Variants in SEMA5A observed in about 807,000 individuals in gnomAD.
SEMA5A encodes semaphorin-5A.
A neutral mutation model predicts 135.5 loss-of-function variants in SEMA5A; 55 were observed. That is an observed-to-expected ratio of 0.41 (90% CI 0.33 to 0.51). SEMA5A has a LOEUF of 0.51. Ranked by LOEUF, SEMA5A falls within the 20% of genes least tolerant of loss-of-function variation. The pLI is 0.37. For missense variants in SEMA5A, 1,290 were observed against 1,419.9 expected (o/e 0.91, Z 1.47); for synonymous variants, 580 against 546.5 (o/e 1.06, Z -0.85).
At chr5:9,253,913 G>A (rs1441746075) in intron 5 of SEMA5A, among the ~76,000 whole-genome samples, 3 of 152,122 alleles carry the variant, frequency 2.0e-5, no homozygotes, top group Admixed American at 6.5e-5. Context: ...ATTATAGCAT[G>A]ATCATCCTAA....
At position 9,346,914 on chromosome 5, in the gene SEMA5A, GTATATA is replaced by G. The variant is rs143461409; in HGVS notation, c.125-9108_125-9103del. On this transcript the variant is annotated intron_variant, in intron 3 of 22. Coordinates refer to ENST00000382496, the MANE Select transcript of SEMA5A (RefSeq NM_003966.3). ...TATATGTGTGTGTGTGTGTGTGTGT[GTATATA>G]TATATATATGTATTTGCCTAAGTGT... Among the ~76,000 whole-genome samples the G allele has an allele frequency of 3.3e-4, 33 of 99,236 alleles. 1 individual carries two copies. The highest frequency in any genetic ancestry group is 7.0e-4 in the African/African-American group (18 of 25,874). 65.1% of individuals were successfully genotyped at this position (99,236 alleles called of 152,430 possible). A position where few individuals can be genotyped will look rare whatever the true frequency, so the allele number is the denominator to read the frequency against.
rs1047248600 is a variant in SEMA5A, at chr5:9,041,412, G to A, written c.*1485C>T. ...AGGCATCAGATGAACTTTTTCAGTCGTGTTCTTTTTTTCAATAATTATTCA... is the reference window on the plus strand; with the variant it reads ...AGGCATCAGATGAACTTTTTCAGTCATGTTCTTTTTTTCAATAATTATTCA... On this transcript the variant is annotated 3_prime_UTR_variant, in exon 23 of 23. Coordinates refer to ENST00000382496, the MANE Select transcript of SEMA5A (RefSeq NM_003966.3). The A allele has an allele frequency of 3.3e-5, 5 of 152,032 alleles. No individual in the cohort carries two copies. Among genetic ancestry groups the A allele is most frequent in the Non-Finnish European group, 5.9e-5 (4 of 68,002 alleles). 9.4% of individuals were successfully genotyped at this position (152,032 alleles called of 1,614,324 possible).
At chr5:9,272,607 G>A (rs2150544585) in intron 5 of SEMA5A, among the ~76,000 whole-genome samples, 1 of 152,330 alleles carries the variant, frequency 6.6e-6, no homozygotes, top group South Asian at 2.1e-4. Context: ...CCTCATACAG[G>A]AGAGCTCTGG....
intron 3 of SEMA5A, among the ~76,000 whole-genome samples, chr5:9,343,135 G>A (rs1753723179): frequency 2.0e-5 from 3 of 152,054 alleles, no homozygotes; most frequent in Admixed American, 6.5e-5. Context: ...TTTAACCTGT[G>A]AATAAAATAT....
intron 16 of SEMA5A, 116 bp from the exon 17 acceptor site, chr5:9,066,762 T>G (rs577800171): frequency 1.3e-6 from 1 of 774,486 alleles, no homozygotes; most frequent in East Asian, 2.5e-5. Flanking sequence ...CCTAAGACAC[T>G]CACAGCTACT....
intron 16 of SEMA5A, among the ~76,000 whole-genome samples, chr5:9,079,700 G>GA (rs1284021437): frequency 2.6e-5 from 4 of 151,760 alleles, no homozygotes; most frequent in Non-Finnish European, 2.9e-5. Context: ...AAATGTACAA[G>GA]AAAAAAACAA....
chr5:9,335,178 C>A (rs1483962144), intron 4 of SEMA5A, among the ~76,000 whole-genome samples: 2 of 152,036 alleles, frequency 1.3e-5, no homozygotes, highest in Admixed American at 1.3e-4. Context: ...GAGATAGAGA[C>A]TTCCAGGAAT....
intron 5 of SEMA5A, among the ~76,000 whole-genome samples, chr5:9,256,045 CAA>C (rs1472531445): frequency 1.3e-5 from 2 of 152,106 alleles, no homozygotes; most frequent in Non-Finnish European, 2.9e-5. Context: ...AACTAACAAA[CAA>C]AACTTTCCAA....
At chr5:9,098,034 G>A (rs534991787) in intron 16 of SEMA5A, among the ~76,000 whole-genome samples, 2 of 151,940 alleles carry the variant, frequency 1.3e-5, no homozygotes, top group African/African-American at 2.4e-5. Context: ...ACTTGAGGTC[G>A]GGAGTTTAAG....
At chr5:9,074,543 A>C (rs1437689797) in intron 16 of SEMA5A, among the ~76,000 whole-genome samples, 1 of 152,202 alleles carries the variant, frequency 6.6e-6, no homozygotes, top group Non-Finnish European at 1.5e-5. Flanking sequence ...CTGTTAAGAA[A>C]ATTAATGATG....
At position 9,458,993 on chromosome 5, in the gene SEMA5A, G is replaced by C. The variant is rs140315559; in HGVS notation, c.-174-21141C>G. The stretch of plus-strand genomic sequence containing the variant: ...TCTTGGAAGACTCAGCCAATAATTT[G>C]ATCTATTTTCACAAGAAAATATGAA... On this transcript the variant is annotated intron_variant, in intron 1 of 22. Transcript: ENST00000382496. Among the ~76,000 whole-genome samples, 1,048 of 152,232 alleles carry C rather than the reference G, an allele frequency of 6.9e-3. 9 individuals carry two copies. Among genetic ancestry groups the C allele is most frequent in the African/African-American group, 0.024 (1,007 of 41,526 alleles).
intron 2 of SEMA5A, among the ~76,000 whole-genome samples, chr5:9,409,767 C>T (rs189454281): frequency 2.0e-5 from 3 of 151,960 alleles, no homozygotes; most frequent in Admixed American, 2.0e-4. Context: ...GGCATTAGAT[C>T]GGGGGGCTGT....
At chr5:9,163,770 G>A (rs1008183457) in intron 11 of SEMA5A, among the ~76,000 whole-genome samples, 1 of 151,696 alleles carries the variant, frequency 6.6e-6, no homozygotes, top group African/African-American at 2.4e-5. Flanking sequence ...GAGAAGGTTA[G>A]GATACAGGCA....
At chr5:9,103,900 T>A (rs920660216) in intron 16 of SEMA5A, among the ~76,000 whole-genome samples, 3 of 152,180 alleles carry the variant, frequency 2.0e-5, no homozygotes, top group Non-Finnish European at 4.4e-5. Flanking sequence ...CATGATGATC[T>A]CCTAATAGTA....
intron 11 of SEMA5A, among the ~76,000 whole-genome samples, chr5:9,186,450 T>C (rs762393342): frequency 4.6e-5 from 7 of 152,134 alleles, no homozygotes; most frequent in Non-Finnish European, 8.8e-5. Context: ...AAAATCAAAG[T>C]AAAAGAAAAT....
At chr5:9,516,261 A>G (rs1178685954) in intron 1 of SEMA5A, among the ~76,000 whole-genome samples, 1 of 152,012 alleles carries the variant, frequency 6.6e-6, no homozygotes, top group Non-Finnish European at 1.5e-5. Flanking sequence ...AACACCACGC[A>G]ACACATAAAT....
chr5:9,212,390 A>G (rs752964765), intron 8 of SEMA5A, among the ~76,000 whole-genome samples: 2 of 152,260 alleles, frequency 1.3e-5, no homozygotes, highest in African/African-American at 2.4e-5. Context: ...CTCTAAACAC[A>G]TAAGTTTGTT....
intron 11 of SEMA5A, among the ~76,000 whole-genome samples, chr5:9,173,406 G>A (rs1480903892): frequency 1.3e-5 from 2 of 151,896 alleles, no homozygotes; most frequent in African/African-American, 4.8e-5. Context: ...ATAGACTGGG[G>A]GGGTTATCAA....
intron 1 of SEMA5A, among the ~76,000 whole-genome samples, chr5:9,461,129 C>T (rs563671437): frequency 6.6e-6 from 1 of 152,280 alleles, no homozygotes; most frequent in South Asian, 2.1e-4. Context: ...CAAACATACA[C>T]TTAGCATAGA....
Sources: allele counts gnomAD v4.1 joint callset (sites outside exome capture counted in the v4.1 genomes callset), GRCh38; gene constraint gnomAD v4.1.1; transcripts MANE v1.5; gene names NCBI Gene and HGNC (gene_info 2026-07-23, HGNC 2026-07-21).